CSMD1: variants seen among roughly 807,000 people sequenced by gnomAD.
CSMD1 encodes CUB and Sushi multiple domains 1.
Under a neutral mutation model 417.5 loss-of-function variants are expected in CSMD1, and 213 were observed. The ratio of observed to expected loss-of-function variants is 0.51; its 90% CI spans 0.46 to 0.57. The LOEUF (loss-of-function observed/expected upper bound fraction) is 0.57. CSMD1 is among the 20% of genes least tolerant of loss of function. The probability of loss-of-function intolerance (pLI) is 0.00; values close to 1 mark genes in which losing one functional copy is unlikely to be tolerated. For missense variants in CSMD1, 6,923 were observed against 4,529.7 expected (o/e 1.53, Z -15.17); for synonymous variants, 2,862 against 1,736.8 (o/e 1.65, Z -16.11).
At chr8:4,103,218 T>A (rs935339472) in intron 3 of CSMD1, among the ~76,000 whole-genome samples, 1 of 150,688 alleles carries the variant, frequency 6.6e-6, no homozygotes, top group African/African-American at 2.4e-5. Flanking sequence ...TAAATATATA[T>A]AATTATATAC....
At chr8:3,311,728 G>T (rs1805366685) in intron 23 of CSMD1, among the ~76,000 whole-genome samples, 1 of 152,174 alleles carries the variant, frequency 6.6e-6, no homozygotes, top group African/African-American at 2.4e-5. Flanking sequence ...ATCATAAGTT[G>T]TGGGCTGTGT....
At chr8:4,058,047 G>A (rs1359968810) in intron 3 of CSMD1, among the ~76,000 whole-genome samples, 3 of 151,962 alleles carry the variant, frequency 2.0e-5, no homozygotes, top group Non-Finnish European at 4.4e-5. Flanking sequence ...GAATTTTAAA[G>A]TAGTTTTTTC....
At chr8:3,771,507 G>C (rs1029364566) in intron 5 of CSMD1, among the ~76,000 whole-genome samples, 1 of 152,174 alleles carries the variant, frequency 6.6e-6, no homozygotes, top group Non-Finnish European at 1.5e-5. Context: ...ACACACAACA[G>C]TTTGGAGCTT....
At chr8:3,698,585 C>A (rs1214241285) in intron 7 of CSMD1, among the ~76,000 whole-genome samples, 2 of 152,188 alleles carry the variant, frequency 1.3e-5, no homozygotes, top group African/African-American at 2.4e-5. Context: ...TACTACCATT[C>A]AGATAAATCA....
chr8:3,345,093 T>C (rs1807902082), intron 22 of CSMD1, among the ~76,000 whole-genome samples: 1 of 152,212 alleles, frequency 6.6e-6, no homozygotes, highest in African/African-American at 2.4e-5. Context: ...TTGTCTGTAA[T>C]TGACAGAAAT....
intron 7 of CSMD1, among the ~76,000 whole-genome samples, chr8:3,700,174 G>C (rs185330444): frequency 1.1e-4 from 16 of 152,268 alleles, no homozygotes; most frequent in African/African-American, 3.6e-4. Context: ...CTCAGGTAAT[G>C]GGTGCACCAA....
intron 1 of CSMD1, among the ~76,000 whole-genome samples, chr8:4,945,375 C>T (rs144185965): frequency 1.3e-5 from 2 of 151,988 alleles, no homozygotes; most frequent in East Asian, 1.9e-4. Flanking sequence ...GAACTGCCTG[C>T]CGAAAAATAG....
chr8:3,921,488 C>G (rs1044966989), intron 5 of CSMD1, among the ~76,000 whole-genome samples: 1 of 151,926 alleles, frequency 6.6e-6, no homozygotes, highest in Admixed American at 6.6e-5. Context: ...AGTTAGGTTG[C>G]TTATATAAAA....
At chr8:4,098,336 C>T (rs763086390) in intron 3 of CSMD1, among the ~76,000 whole-genome samples, 4 of 152,144 alleles carry the variant, frequency 2.6e-5, no homozygotes, top group Non-Finnish European at 4.4e-5. Context: ...AGAATAAATG[C>T]GTATCATAAT....
intron 1 of CSMD1, among the ~76,000 whole-genome samples, chr8:4,882,260 G>T (rs776494334): frequency 1.3e-5 from 2 of 151,666 alleles, no homozygotes; most frequent in African/African-American, 4.9e-5. Flanking sequence ...GGTGGATGTC[G>T]CCCCTTCTCC....
chr8:4,320,467 C>T (rs192277461), intron 3 of CSMD1, among the ~76,000 whole-genome samples: 10 of 151,928 alleles, frequency 6.6e-5, no homozygotes, highest in South Asian at 4.2e-4. Context: ...TATCAACCTG[C>T]GATCTACATT....
chr8:4,090,337 T>C (rs1411863135), intron 3 of CSMD1, among the ~76,000 whole-genome samples: 1 of 152,140 alleles, frequency 6.6e-6, no homozygotes, highest in African/African-American at 2.4e-5. Context: ...TAAACATGAG[T>C]CATTATCTAT....
At chr8:3,544,760 G>A (rs1017355998) in intron 10 of CSMD1, among the ~76,000 whole-genome samples, 1 of 152,054 alleles carries the variant, frequency 6.6e-6, no homozygotes, top group African/African-American at 2.4e-5. Context: ...AGGGAATGGA[G>A]CCAAATCTTA....
rs143690701 is a variant in CSMD1, at chr8:3,216,155, C to G, written c.4673-1464G>C. Reference sequence around the variant, plus strand: ...TTTTGTGCCTTCAAACCAGTGCTCTCTAATTGCTTTGTTGAAAAGCTGTTT... The same window carrying G: ...TTTTGTGCCTTCAAACCAGTGCTCTGTAATTGCTTTGTTGAAAAGCTGTTT... On this transcript the variant is annotated intron_variant, in intron 29 of 69. Coordinates refer to ENST00000635120, the MANE Select transcript of CSMD1 (RefSeq NM_033225.6). Among the ~76,000 whole-genome samples the G allele has an allele frequency of 4.6e-3, 692 of 151,748 alleles. 16 individuals are homozygous for G. The highest frequency in any genetic ancestry group is 0.041 in the East Asian group (211 of 5,168).
intron 26 of CSMD1, among the ~76,000 whole-genome samples, chr8:3,272,203 C>A (rs1437574462): frequency 6.8e-6 from 1 of 147,110 alleles, no homozygotes; most frequent in African/African-American, 2.5e-5. Context: ...TTCCCCATTG[C>A]TTGTTTTACT....
At chr8:3,467,904 T>G (rs1563067430) in intron 12 of CSMD1, among the ~76,000 whole-genome samples, 1 of 152,220 alleles carries the variant, frequency 6.6e-6, no homozygotes. Flanking sequence ...ACATACTGCC[T>G]ATTTACTCAA....
Position 4,189,199 on chromosome 8 carries a change from A to C in CSMD1, c.416-157100T>G, listed in dbSNP as rs1246566057. Among the ~76,000 whole-genome samples, 3 of 152,378 alleles carry C rather than the reference A, an allele frequency of 2.0e-5. No homozygotes were observed. The South Asian group carries it at 6.2e-4, about 32-fold the overall frequency. ...ACAGCACGTAAGTGCCCAGCTATGC[A>C]AACTCATGTGTGTTTATGCCCCAGG... On this transcript the variant is annotated intron_variant, in intron 3 of 69. Coordinates refer to ENST00000635120, the MANE Select transcript of CSMD1 (RefSeq NM_033225.6).
At chr8:3,108,227 G>C (rs547516738) in intron 44 of CSMD1, among the ~76,000 whole-genome samples, 10 of 152,242 alleles carry the variant, frequency 6.6e-5, no homozygotes, top group South Asian at 2.1e-4. Context: ...ATCGTTTAGA[G>C]TGCATTCCCA....
chr8:3,853,079 G>A (rs923383622), intron 5 of CSMD1, among the ~76,000 whole-genome samples: 3 of 152,058 alleles, frequency 2.0e-5, no homozygotes, highest in Non-Finnish European at 4.4e-5. Context: ...TCCATCCAAT[G>A]CCTGCCACCC....
Sources: gnomAD v4.1 joint callset for allele counts (sites outside exome capture counted in the v4.1 genomes callset) on GRCh38, gnomAD v4.1.1 for gene constraint, MANE v1.5 for transcripts, NCBI Gene and HGNC (gene_info 2026-07-23, HGNC 2026-07-21) for gene names.